CORO2A: variants seen among roughly 807,000 people sequenced by gnomAD.
CORO2A encodes coronin-2A.
A neutral mutation model predicts 62.4 loss-of-function variants in CORO2A; 47 were observed. That is an observed-to-expected ratio of 0.75 (90% confidence interval 0.60 to 0.96). The LOEUF is 0.96. CORO2A is among the 40% of genes least tolerant of loss of function. The probability of loss-of-function intolerance (pLI) is 0.00; values close to 1 mark genes in which losing one functional copy is unlikely to be tolerated. For synonymous variants in CORO2A, 273 were observed against 268.9 expected, an observed-to-expected ratio of 1.02 and a Z score of -0.15; for missense variants, 610 against 684.1, an observed-to-expected ratio of 0.89 and a Z score of 1.21.
chr9:98,168,560 C>T (rs1827991991), intron 1 of CORO2A, among the ~76,000 whole-genome samples: 1 of 152,184 alleles, frequency 6.6e-6, no homozygotes, highest in Non-Finnish European at 1.5e-5. Flanking sequence ...CCAGGCTGTT[C>T]AGTCACAGGT....
chr9:98,139,852 T>C (rs1359065534), intron 2 of CORO2A, among the ~76,000 whole-genome samples: 3 of 152,166 alleles, frequency 2.0e-5, no homozygotes, highest in Non-Finnish European at 4.4e-5. Context: ...CTCAATTACA[T>C]AGAAAGGGCA....
chr9:98,183,559 T>C (rs563248808), intron 1 of CORO2A, among the ~76,000 whole-genome samples: 1 of 152,370 alleles, frequency 6.6e-6, no homozygotes, highest in Non-Finnish European at 1.5e-5. Context: ...TGGCCCTCTG[T>C]ATCTGTGGGT....
rs564136686 is a variant in CORO2A at position 98,127,577 on chromosome 9, C to T, written c.1171+593G>A. On this transcript the variant is annotated intron_variant, in intron 10 of 11. Transcript: ENST00000375077. The stretch of plus-strand genomic sequence containing the variant: ...CTGTAATCCCAGCACTTCGGGAGGC[C>T]GAGGCAGGTGGATCACTTGAGGTCA... 3.9e-5 allele frequency among the ~76,000 whole-genome samples: 6 copies of T among 152,156 alleles called. No homozygotes were observed. The East Asian group carries it at 1.2e-3, about 29-fold the overall frequency.
chr9:98,157,643 C>T lies in CORO2A; in HGVS notation c.18G>A (p.Gln6=). The part of the protein sequence containing the change: MSWHP[Q]YRSSKFRHVF... The stretch of plus-strand genomic sequence containing the variant: ...CATGACGGAACTTGGAGCTCCGGTA[C>T]TGGGGGTGCCATGACATCTGCAGGA... Residue 6 remains glutamine (Q), a synonymous_variant, in exon 2 of 12, where the codon CAG becomes CAA. Transcript: ENST00000375077. 2 of 1,613,336 alleles carry T rather than the reference C, an allele frequency of 1.2e-6. No homozygotes were observed. The highest frequency in any genetic ancestry group is 1.7e-6 in the Non-Finnish European group (2 of 1,179,508).
At chr9:98,140,331 A>G (rs1049452999) in intron 2 of CORO2A, among the ~76,000 whole-genome samples, 4 of 152,178 alleles carry the variant, frequency 2.6e-5, no homozygotes, top group Admixed American at 2.0e-4. Context: ...TGCAGAATCA[A>G]TAGTCTTGGG....
At chr9:98,128,134 T>A in intron 10 of CORO2A, 36 bp downstream of exon 10, 2 of 1,555,250 alleles carry the variant, frequency 1.3e-6, no homozygotes, top group Non-Finnish European at 1.8e-6. Flanking sequence ...CATGTTCCTG[T>A]CACATTTGCC....
chr9:98,139,734 T>C (rs2118830110), intron 2 of CORO2A, among the ~76,000 whole-genome samples: 1 of 152,356 alleles, frequency 6.6e-6, no homozygotes, highest in Non-Finnish European at 1.5e-5. Context: ...AGGTCGAGGC[T>C]GCAGTCAGCT....
intron 1 of CORO2A, among the ~76,000 whole-genome samples, chr9:98,185,480 TG>T (rs1199593211): frequency 1.1e-4 from 17 of 152,366 alleles, no homozygotes; most frequent in African/African-American, 3.6e-4. Flanking sequence ...TTCAGAGGCC[TG>T]GGTTCTTTTG....
Position 98,126,736 on chromosome 9 carries a change from G to A in CORO2A, c.1259C>T (p.Ala420Val). 6.2e-7 allele frequency: 1 copy of A among 1,614,202 alleles called. No homozygotes were observed. Among genetic ancestry groups the A allele is most frequent in the South Asian group, 1.1e-5 (1 of 91,082 alleles). The change falls in exon 11 of 12, where the codon GCC becomes GTC. Residue 420 changes from alanine (A) to valine (V), a missense_variant. Ala to Val is a moderately conservative substitution (Grantham distance 64, BLOSUM62 0). Transcript: ENST00000375077. The stretch of plus-strand genomic sequence containing the variant: ...ATTCAAGAGCCGGGGTGAGGCTGGG[G>A]CCATGGAATTGAAGATAGGTCTCTC... ...PAERPIFNSM[A>V]PASPRLLNQT...
At chr9:98,165,771 G>A (rs1827950491) in intron 1 of CORO2A, among the ~76,000 whole-genome samples, 2 of 152,362 alleles carry the variant, frequency 1.3e-5, no homozygotes, top group South Asian at 4.1e-4. Flanking sequence ...TAATGGATGT[G>A]ATGCAGTAGT....
rs549351595 is a variant in CORO2A at position 98,148,515 on chromosome 9, G to A, written c.201+8945C>T. On this transcript the variant is annotated intron_variant, in intron 2 of 11. Transcript: ENST00000375077. The stretch of plus-strand genomic sequence containing the variant: ...GTAATTCCAGAAGTTTGGGGTGGGT[G>A]GATCACTTAAGCCCAGGGGTTCAAG... Among the ~76,000 whole-genome samples the A allele has an allele frequency of 4.0e-4, 60 of 148,368 alleles. 1 individual carries two copies. The South Asian group carries it at 4.2e-3, about 10-fold the overall frequency.
chr9:98,132,104 G>T, intron 6 of CORO2A, 81 bp downstream of exon 6: 1 of 1,043,114 alleles, frequency 9.6e-7, no homozygotes. Flanking sequence ...ATAAATGGGT[G>T]TCTAAATGAA....
chr9:98,169,548 G>A (rs1206451314), intron 1 of CORO2A, among the ~76,000 whole-genome samples: 1 of 151,874 alleles, frequency 6.6e-6, no homozygotes, highest in Non-Finnish European at 1.5e-5. Flanking sequence ...CCCTTAAAAT[G>A]CACCCCGGGT....
chr9:98,140,548 C>T (rs1425925848), intron 2 of CORO2A, among the ~76,000 whole-genome samples: 1 of 151,892 alleles, frequency 6.6e-6, no homozygotes, highest in African/African-American at 2.4e-5. Context: ...AGACAATCTT[C>T]CCACCTCACC....
chr9:98,126,940 C>T, intron 10 of CORO2A, 117 bp from the exon 11 acceptor site: 1 of 1,151,154 alleles, frequency 8.7e-7, no homozygotes, highest in Non-Finnish European at 1.3e-6. Context: ...ACCCATGCAA[C>T]ATGTGTGGGA....
At chr9:98,136,899 G>A (rs527828115) in intron 3 of CORO2A, among the ~76,000 whole-genome samples, 1 of 152,194 alleles carries the variant, frequency 6.6e-6, no homozygotes, top group African/African-American at 2.4e-5. Context: ...TGTTGCCTAG[G>A]TTGGTCTCCA....
intron 1 of CORO2A, among the ~76,000 whole-genome samples, chr9:98,187,144 G>A (rs1356666398): frequency 2.6e-5 from 4 of 152,014 alleles, no homozygotes; most frequent in South Asian, 4.2e-4. Context: ...TTAGCCGGGC[G>A]TGGTGGTGGG....
chr9:98,157,741 C>T, intron 1 of CORO2A, 81 bp from the exon 2 acceptor site: 6 of 1,338,680 alleles, frequency 4.5e-6, no homozygotes, highest in East Asian at 2.3e-5. Context: ...CTTAAGAGTA[C>T]ATAAGAGGGT....
chr9:98,161,588 A>G (rs1350270868), intron 1 of CORO2A, among the ~76,000 whole-genome samples: 1 of 152,130 alleles, frequency 6.6e-6, no homozygotes, highest in Non-Finnish European at 1.5e-5. Flanking sequence ...TAAATAAAGC[A>G]GGGGAGATAG....
Sources: allele counts gnomAD v4.1 joint callset (sites outside exome capture counted in the v4.1 genomes callset), GRCh38; gene constraint gnomAD v4.1.1; transcripts MANE v1.5; gene names NCBI Gene and HGNC (gene_info 2026-07-23, HGNC 2026-07-21).